FHAD1: variants seen among roughly 807,000 people sequenced by gnomAD.
FHAD1 encodes the protein forkhead associated phosphopeptide binding domain 1, also known as forkhead-associated domain-containing protein 1.
A neutral mutation model predicts 191.3 loss-of-function variants in FHAD1; 146 were observed. That is an observed-to-expected ratio of 0.76 (90% CI 0.67 to 0.88). FHAD1 has a LOEUF of 0.88. FHAD1 is among the 40% of genes least tolerant of loss of function. The pLI is 0.00. For missense variants in FHAD1, 1,635 were observed against 1,785.8 expected (o/e 0.92, Z 1.52); for synonymous variants, 616 against 672.3 (o/e 0.92, Z 1.29).
chr1:15,313,220 A>G (rs948626318), intron 8 of FHAD1, 33 bp downstream of exon 8: 11 of 1,547,206 alleles, frequency 7.1e-6, no homozygotes, highest in African/African-American at 5.5e-5. Flanking sequence ...CCTTGTAGCC[A>G]TCCGGTGAAA....
chr1:15,253,148 CTGTGTG>C (rs5772631), intron 2 of FHAD1, among the ~76,000 whole-genome samples: 4,069 of 146,112 alleles, frequency 0.028, 87 homozygotes, highest in African/African-American at 0.066. Context: ...GACATAAGTG[CTGTGTG>C]TGTGTGTGTG....
downstream of FHAD1, among the ~76,000 whole-genome samples, chr1:15,402,112 A>C (rs1012967723): frequency 6.6e-6 from 1 of 152,206 alleles, no homozygotes; most frequent in South Asian, 2.1e-4. Flanking sequence ...TGGTCTTATC[A>C]TCAGAGAGTA....
At chr1:15,366,259 T>A (rs559037320) in intron 24 of FHAD1, among the ~76,000 whole-genome samples, 132 of 122,902 alleles carry the variant, frequency 1.1e-3, no homozygotes, top group Non-Finnish European at 8.6e-4. Flanking sequence ...CACTCCAGCC[T>A]GAGCGACAAA....
chr1:15,299,852 CTGTT>C (rs540096915), intron 5 of FHAD1, among the ~76,000 whole-genome samples: 3 of 152,246 alleles, frequency 2.0e-5, no homozygotes, highest in African/African-American at 7.2e-5. Context: ...AGCATGGACT[CTGTT>C]TGAGGCTGTC....
intron 16 of FHAD1, among the ~76,000 whole-genome samples, 189 bp downstream of exon 16, chr1:15,342,077 A>G (rs903365698): frequency 2.0e-5 from 3 of 152,258 alleles, no homozygotes; most frequent in African/African-American, 7.2e-5. Flanking sequence ...TAAAACTCAC[A>G]GCAAAATCAA....
intron 10 of FHAD1, among the ~76,000 whole-genome samples, chr1:15,321,803 G>A (rs539377869): frequency 1.3e-5 from 2 of 152,346 alleles, no homozygotes; most frequent in African/African-American, 4.8e-5. Context: ...ATGCACATGT[G>A]TGCATGCATG....
At chr1:15,283,710 G>C (rs981809477) in intron 3 of FHAD1, among the ~76,000 whole-genome samples, 1 of 152,178 alleles carries the variant, frequency 6.6e-6, no homozygotes, top group African/African-American at 2.4e-5. Context: ...GCAGTTCTCT[G>C]AGTGGCATCC....
At chr1:15,292,907 C>G (rs1194790985) in intron 4 of FHAD1, among the ~76,000 whole-genome samples, 1 of 152,114 alleles carries the variant, frequency 6.6e-6, no homozygotes, top group Non-Finnish European at 1.5e-5. Context: ...TGGGGAAACA[C>G]AGCAAGACCC....
intron 14 of FHAD1, among the ~76,000 whole-genome samples, chr1:15,337,898 G>T (rs1156867537): frequency 6.6e-6 from 1 of 152,186 alleles, no homozygotes; most frequent in Non-Finnish European, 1.5e-5. Flanking sequence ...GCGTTGGGCA[G>T]GCCTGCGTCT....
chr1:15,376,613 C>T (rs867281779), intron 28 of FHAD1, among the ~76,000 whole-genome samples: 1 of 152,194 alleles, frequency 6.6e-6, no homozygotes, highest in African/African-American at 2.4e-5. Context: ...GGCTCTTGAC[C>T]TTTCTGGGAC....
rs918811784 is a variant in FHAD1, at chr1:15,330,740, A to G, written c.1906+1199A>G. 3.3e-5 allele frequency among the ~76,000 whole-genome samples: 5 copies of G among 152,232 alleles called. No individual in the cohort carries two copies. In the South Asian group the frequency reaches 8.3e-4, roughly 25 times the overall value. ...AGCATGGAGAGCACAAGGGGCTAAC[A>G]GAAATGGGAGCTTCCCAGGGCCATG... On this transcript the variant is annotated intron_variant, in intron 14 of 33. Coordinates refer to ENST00000688493, the MANE Select transcript of FHAD1 (RefSeq NM_001391957.1).
chr1:15,278,634 C>T (rs1198515665), intron 3 of FHAD1, among the ~76,000 whole-genome samples: 1 of 152,010 alleles, frequency 6.6e-6, no homozygotes, highest in African/African-American at 2.4e-5. Context: ...CCACCATGCC[C>T]AGCTAATTTT....
intron 26 of FHAD1, among the ~76,000 whole-genome samples, chr1:15,370,307 T>C (rs1697706273): frequency 6.6e-6 from 1 of 152,206 alleles, no homozygotes; most frequent in African/African-American, 2.4e-5. Flanking sequence ...AGATAATTTT[T>C]TTGCTAATGG....
In FHAD1 at chr1:15,381,306, C is replaced by T. The variant is rs1009044160; in HGVS notation, c.3877C>T (p.Leu1293Phe). 3.2e-6 allele frequency: 5 copies of T among 1,551,510 alleles called. No individual in the cohort carries two copies. The highest frequency in any genetic ancestry group is 1.4e-5 in the African/African-American group (1 of 73,014). Residue 1293 changes from leucine to phenylalanine, a missense_variant, in exon 30 of 34, where the codon CTC becomes TTC. Leu to Phe is a conservative substitution (Grantham distance 22). Coordinates refer to ENST00000688493, the MANE Select transcript of FHAD1 (RefSeq NM_001391957.1). This position sits in a 1 kb window ranked among gnomAD's most constrained non-coding sequence, Gnocchi z 4.6. ...NMSGHVSMKY[L>F]SRQEREKVNQ... is the part of the protein sequence containing the mutation. Reference sequence around the variant, plus strand: ...GTCAGGCCACGTGTCCATGAAATACCTCTCCCGCCAGGAGAGGGAGAAGGT... The same window carrying T: ...GTCAGGCCACGTGTCCATGAAATACTTCTCCCGCCAGGAGAGGGAGAAGGT...
rs559633260 is a variant in FHAD1 at position 15,378,907 on chromosome 1, C to T, written c.3706-1794C>T. Among the ~76,000 whole-genome samples, 27 of 152,230 alleles carry T rather than the reference C, an allele frequency of 1.8e-4. No homozygotes were observed. The East Asian group carries it at 2.3e-3, about 13-fold the overall frequency. On this transcript the variant is annotated intron_variant, in intron 28 of 33. Coordinates refer to ENST00000688493, the MANE Select transcript of FHAD1 (RefSeq NM_001391957.1). The stretch of plus-strand genomic sequence containing the variant: ...GGTTGTCCGTGGCCTCCAGACTCCC[C>T]GCTTGGCCTGGTGGCTTTTCTATGC...
intron 1 of FHAD1, among the ~76,000 whole-genome samples, chr1:15,248,517 A>G (rs182407219): frequency 6.6e-6 from 1 of 150,410 alleles, no homozygotes; most frequent in East Asian, 2.0e-4. Flanking sequence ...AGCTCAGGAA[A>G]CTCCAGTCTT....
At chr1:15,279,799 C>T (rs1207547063) in intron 3 of FHAD1, among the ~76,000 whole-genome samples, 1 of 152,054 alleles carries the variant, frequency 6.6e-6, no homozygotes, top group Non-Finnish European at 1.5e-5. Flanking sequence ...CATACTCCCT[C>T]CCCTGGAGTG....
chr1:15,245,065 T>C (rs1246357292), upstream of FHAD1, among the ~76,000 whole-genome samples: 1 of 152,130 alleles, frequency 6.6e-6, no homozygotes, highest in Non-Finnish European at 1.5e-5. Context: ...AGGCTCTTTC[T>C]AACAATCAGC....
At chr1:15,242,374 T>C (rs1645493006), upstream of FHAD1, among the ~76,000 whole-genome samples, 1 of 152,238 alleles carries the variant, frequency 6.6e-6, no homozygotes, top group Non-Finnish European at 1.5e-5. Flanking sequence ...TTTCTCTTTC[T>C]GTATAATGAG....
Sources: gnomAD v4.1 joint callset for allele counts (sites outside exome capture counted in the v4.1 genomes callset) on GRCh38, gnomAD v4.1.1 for gene constraint, Gnocchi (gnomAD v3.1) non-coding constraint, MANE v1.5 for transcripts, NCBI Gene and HGNC (gene_info 2026-07-23, HGNC 2026-07-21) for gene names.